Variants in PTPRD observed in about 807,000 individuals in gnomAD.
The protein encoded by PTPRD is receptor-type tyrosine-protein phosphatase delta.
A neutral mutation model predicts 214.5 loss-of-function variants in PTPRD; 34 were observed. The ratio of observed to expected loss-of-function variants is 0.16; its 90% CI spans 0.12 to 0.21. The LOEUF is 0.21. PTPRD is among the 10% of genes least tolerant of loss of function. PTPRD has a pLI of 1.00. For missense variants in PTPRD, 2,545 were observed against 2,398.7 expected, an observed-to-expected ratio of 1.06 and a Z score of -1.27; for synonymous variants, 1,128 against 845.7, an observed-to-expected ratio of 1.33 and a Z score of -5.79.
intron 3 of PTPRD, among the ~76,000 whole-genome samples, chr9:10,137,866 C>T (rs1287013231): frequency 6.6e-6 from 1 of 151,952 alleles, no homozygotes; most frequent in African/African-American, 2.4e-5. Flanking sequence ...CACAACATAT[C>T]AAAATCTATG....
rs940115171 is a variant in PTPRD at position 8,341,610 on chromosome 9, G to T, written c.4947+83C>A. 5.4e-6 allele frequency: 8 copies of T among 1,471,458 alleles called. No homozygotes were observed. The African/African-American group carries it at 8.4e-5, about 16-fold the overall frequency. The allele number at this position is 1,471,458 out of a possible 1,614,324, so 91.2% of individuals were successfully genotyped here. On this transcript the variant is annotated intron_variant, in intron 40 of 45. Coordinates refer to ENST00000381196, the MANE Select transcript of PTPRD (RefSeq NM_002839.4). ...AATGAATCTTGTACTTCACAAATTT[G>T]AAAGGTTAAAGTAAAGCCACGACTC... is the stretch of plus-strand genomic sequence containing the variant.
In PTPRD at chr9:8,522,217, G is replaced by T. The variant is rs551801272; in HGVS notation, c.692-671C>A. Among the ~76,000 whole-genome samples the T allele has an allele frequency of 2.4e-4, 36 of 152,278 alleles. No individual in the cohort carries two copies. In the South Asian group the frequency reaches 2.7e-3, roughly 11 times the overall value. On this transcript the variant is annotated intron_variant, in intron 19 of 45. Coordinates refer to ENST00000381196, the MANE Select transcript of PTPRD (RefSeq NM_002839.4). ...AGAGATACTGGATTGGGTCATGCAA[G>T]GCATGCACAAGATGGAATCTCAAGG... is the stretch of plus-strand genomic sequence containing the variant.
At chr9:8,911,481 T>C (rs534325875) in intron 11 of PTPRD, among the ~76,000 whole-genome samples, 1 of 151,848 alleles carries the variant, frequency 6.6e-6, no homozygotes, top group East Asian at 1.9e-4. Flanking sequence ...ATGACAACAC[T>C]TTTGATACTT....
At position 9,151,013 on chromosome 9, in the gene PTPRD, AC is replaced by A. The variant is rs1474599762; in HGVS notation, c.-143+32290del. ...CGTGGGAGTCCACATTTTAAATGTT[AC>A]CACTAGACTAATACTTTACCTCTAT... On this transcript the variant is annotated intron_variant, in intron 10 of 45. Transcript: ENST00000381196. Among the ~76,000 whole-genome samples, 4 of 152,270 alleles carry A rather than the reference AC, an allele frequency of 2.6e-5. No homozygotes were observed. In the East Asian group the frequency reaches 7.7e-4, roughly 29 times the overall value.
chr9:9,852,075 C>A (rs1434282631), intron 5 of PTPRD, among the ~76,000 whole-genome samples: 2 of 151,696 alleles, frequency 1.3e-5, no homozygotes, highest in South Asian at 2.1e-4. Flanking sequence ...GAACAGAGAC[C>A]AGACATATAA....
At chr9:10,193,469 G>A (rs1305589456) in intron 3 of PTPRD, among the ~76,000 whole-genome samples, 2 of 152,040 alleles carry the variant, frequency 1.3e-5, no homozygotes, top group Non-Finnish European at 2.9e-5. Flanking sequence ...GTACTAGCAT[G>A]GGAACAGAGT....
intron 11 of PTPRD, among the ~76,000 whole-genome samples, chr9:8,734,149 G>A (rs937356975): frequency 2.6e-5 from 4 of 152,164 alleles, no homozygotes; most frequent in Admixed American, 6.5e-5. Flanking sequence ...TAGACTATCC[G>A]GGTTTGTGTT....
chr9:8,530,514 T>C (rs754580660), intron 14 of PTPRD, among the ~76,000 whole-genome samples: 4 of 152,080 alleles, frequency 2.6e-5, no homozygotes, highest in African/African-American at 7.2e-5. Flanking sequence ...AAATCCACTG[T>C]CTTGTACTTA....
chr9:8,921,234 A>G (rs1390106963), intron 11 of PTPRD, among the ~76,000 whole-genome samples: 1 of 152,202 alleles, frequency 6.6e-6, no homozygotes, highest in East Asian at 1.9e-4. Context: ...CAGAACTATT[A>G]TCTATACCAG....
intron 3 of PTPRD, among the ~76,000 whole-genome samples, chr9:10,282,508 T>C (rs1359672326): frequency 6.6e-6 from 1 of 152,158 alleles, no homozygotes; most frequent in Non-Finnish European, 1.5e-5. Context: ...TTCTATTATA[T>C]TCTAAACTGC....
At chr9:9,453,825 C>T (rs34963384) in intron 8 of PTPRD, among the ~76,000 whole-genome samples, 4 of 151,524 alleles carry the variant, frequency 2.6e-5, no homozygotes, top group Non-Finnish European at 4.4e-5. Flanking sequence ...ATATAAGGGC[C>T]TAAAGAGCTT....
intron 11 of PTPRD, among the ~76,000 whole-genome samples, chr9:9,008,506 A>G (rs1340990628): frequency 3.3e-5 from 5 of 151,932 alleles, no homozygotes; most frequent in Admixed American, 6.6e-5. Context: ...GATTACAGGC[A>G]TGAGCCACCG....
intron 9 of PTPRD, among the ~76,000 whole-genome samples, chr9:9,361,247 G>A (rs1047898495): frequency 1.3e-5 from 2 of 150,856 alleles, no homozygotes; most frequent in Non-Finnish European, 3.0e-5. Context: ...AAATGCCCAG[G>A]CTTTTCTCCC....
chr9:9,315,287 G>C (rs1312646679), intron 9 of PTPRD, among the ~76,000 whole-genome samples: 1 of 151,856 alleles, frequency 6.6e-6, no homozygotes, highest in Non-Finnish European at 1.5e-5. Flanking sequence ...TAAATTAAAA[G>C]GGGAGTTACA....
chr9:8,454,841 T>C lies in PTPRD; in HGVS notation c.3876-5004A>G, dbSNP rs1337431798. Among the ~76,000 whole-genome samples the C allele has an allele frequency of 2.0e-5, 3 of 151,480 alleles. No homozygotes were observed. The East Asian group carries it at 5.8e-4, about 29-fold the overall frequency. ...GTGTGTGTGTGTGTGTGTGTGTGTG[T>C]GTGTGTGAATGCCACGTGCACTTTT... On this transcript the variant is annotated intron_variant, in intron 33 of 45. Transcript: ENST00000381196.
chr9:8,523,609 C>G (rs1457692232), intron 18 of PTPRD, 85 bp from the exon 19 acceptor site: 18 of 1,474,678 alleles, frequency 1.2e-5, no homozygotes, highest in Non-Finnish European at 1.7e-5. Context: ...AGTAAAAAGG[C>G]CATATCAAGG....
chr9:8,782,701 A>C (rs769689649), intron 11 of PTPRD, among the ~76,000 whole-genome samples: 1 of 151,078 alleles, frequency 6.6e-6, no homozygotes, highest in South Asian at 2.1e-4. Flanking sequence ...GAGTTCAAGC[A>C]ATTCTCCTGC....
chr9:8,829,731 C>T (rs7028749), intron 11 of PTPRD, among the ~76,000 whole-genome samples: 106,188 of 151,996 alleles, frequency 0.7, 37,467 homozygotes, highest in African/African-American at 0.79. Flanking sequence ...CAGCACAGAA[C>T]AATGAAACAA....
At chr9:8,371,609 C>T (rs4742490) in intron 39 of PTPRD, among the ~76,000 whole-genome samples, 76,181 of 151,880 alleles carry the variant, frequency 0.5, 23,340 homozygotes, top group African/African-American at 0.85. Context: ...GTGTGTAAAA[C>T]AATAGGGAGT....
Sources: allele counts gnomAD v4.1 joint callset (sites outside exome capture counted in the v4.1 genomes callset), GRCh38; gene constraint gnomAD v4.1.1; transcripts MANE v1.5; gene names NCBI Gene and HGNC (gene_info 2026-07-23, HGNC 2026-07-21).